The following EPM2AIP1 variants were observed in gnomAD, a reference collection of about 807,000 sequenced individuals.
EPM2AIP1 encodes the protein EPM2A interacting protein 1, also known as EPM2A-interacting protein 1.
A neutral mutation model predicts 44.8 loss-of-function variants in EPM2AIP1; 23 were observed. The ratio of observed to expected loss-of-function variants is 0.51; its 90% CI spans 0.37 to 0.73. The LOEUF (loss-of-function observed/expected upper bound fraction) is 0.73, where lower values mean the gene tolerates loss of function less well. Among genes scored for constraint, EPM2AIP1 ranks in the 30% least tolerant of loss-of-function variants. The pLI, the probability that EPM2AIP1 is intolerant of heterozygous loss-of-function variation, is 0.00. For synonymous variants in EPM2AIP1, 311 were observed against 284.3 expected (o/e 1.09, Z -0.94); for missense variants, 652 against 743.9 (o/e 0.88, Z 1.44).
At position 36,987,588 on chromosome 3, in the gene EPM2AIP1, A is replaced by G. The variant is rs1227816910; in HGVS notation, c.*3666T>C. ...GAGTTTACTACTTACTGTGTTTACC[A>G]GGGAAAACCGCAATTTGTTATCCTT... is the stretch of plus-strand genomic sequence containing the variant. On this transcript the variant is annotated 3_prime_UTR_variant, in exon 1 of 1. Transcript: ENST00000322716. 6.6e-6 allele frequency: 1 copy of G among 150,590 alleles called. No individual in the cohort carries two copies. Among genetic ancestry groups the G allele is most frequent in the Admixed American group, 6.7e-5 (1 of 14,980 alleles). The allele number at this position is 150,590 out of a possible 1,614,324, so 9.3% of individuals were successfully genotyped here.
chr3:36,988,112 G>A lies in EPM2AIP1; in HGVS notation c.*3142C>T, dbSNP rs1273600651. 1 of 152,192 alleles carries A rather than the reference G, an allele frequency of 6.6e-6. No individual in the cohort carries two copies. Among genetic ancestry groups the A allele is most frequent in the Non-Finnish European group, 1.5e-5 (1 of 68,038 alleles). 9.4% of individuals were successfully genotyped at this position (152,192 alleles called of 1,614,324 possible). On this transcript the variant is annotated 3_prime_UTR_variant, in exon 1 of 1. Transcript: ENST00000322716. ...TTTCCTAGATGAAGTGGCATACTGAGACCTTAAAGATGAAGATAAATTTGT... is the reference window on the plus strand; with the variant it reads ...TTTCCTAGATGAAGTGGCATACTGAAACCTTAAAGATGAAGATAAATTTGT...
In EPM2AIP1 at chr3:36,992,416, C is replaced by G; in HGVS notation, c.662G>C (p.Gly221Ala). The change falls in exon 1 of 1, where the codon GGT (glycine) becomes GCT (alanine). Residue 221 changes from glycine to alanine, a missense_variant. Gly to Ala is a moderately conservative substitution (Grantham distance 60, BLOSUM62 0). Transcript: ENST00000322716. The surrounding 1 kb of genome is among the most constrained non-coding windows in gnomAD (Gnocchi z 5.3). ...CTCTAGGATTGCCGACATGAGCGCA[C>G]CAACACTGAAATGATGAGTCAGGTT... ...IINLTHHFSV[G>A]ALMSAILESL... The G allele has an allele frequency of 6.2e-7, 1 of 1,613,952 alleles. No homozygotes were observed. Among genetic ancestry groups the G allele is most frequent in the Non-Finnish European group, 8.5e-7 (1 of 1,179,904 alleles).
In EPM2AIP1 at chr3:36,985,884, T is replaced by C. The variant is rs942195675; in HGVS notation, c.*5370A>G. ...ACAAGGCTATATTCCAGTAAAACTT[T>C]ATTTAGATAAATAAGGAGCTAGACA... On this transcript the variant is annotated 3_prime_UTR_variant, in exon 1 of 1. Transcript: ENST00000322716. The C allele has an allele frequency of 6.6e-6, 1 of 152,250 alleles. No homozygotes were observed. The highest frequency in any genetic ancestry group is 1.5e-5 in the Non-Finnish European group (1 of 68,050). The allele number at this position is 152,250 out of a possible 1,614,324, so 9.4% of individuals were successfully genotyped here.
Position 36,990,177 on chromosome 3 carries a change from T to C in EPM2AIP1, c.*1077A>G, listed in dbSNP as rs1208592798. On this transcript the variant is annotated 3_prime_UTR_variant, in exon 1 of 1. Coordinates refer to ENST00000322716, the MANE Select transcript of EPM2AIP1 (RefSeq NM_014805.4). ...TGCAATCTGTGAATAAGACTGCTTT[T>C]AAATATTTCTACTTGTGTGCTATCT... The C allele has an allele frequency of 5.2e-5, 8 of 153,270 alleles. No homozygotes were observed. The highest frequency in any genetic ancestry group is 1.7e-4 in the African/African-American group (7 of 41,478). The allele number at this position is 153,270 out of a possible 1,614,324, so 9.5% of individuals were successfully genotyped here.
Position 36,991,289 on chromosome 3 carries a change from C to G in EPM2AIP1, c.1789G>C (p.Asp597His). 6.2e-7 allele frequency: 1 copy of G among 1,613,098 alleles called. No homozygotes were observed. Among genetic ancestry groups the G allele is most frequent in the Non-Finnish European group, 8.5e-7 (1 of 1,179,232 alleles). Reference protein sequence around the residue: ...ATTEMEPGWDDLVRERNESNP With the variant: ...ATTEMEPGWDHLVRERNESNP ...GATTCATTTCTTTCTCTCACAAGGT[C>G]ATCCCAACCGGGCTCCATTTCAGTT... The change falls in exon 1 of 1, where the codon GAC (aspartate) becomes CAC (histidine). Residue 597 changes from aspartate (D) to histidine (H), a missense_variant. Asp to His is a moderately conservative substitution (Grantham distance 81). Transcript: ENST00000322716.
chr3:36,992,202 T>C lies in EPM2AIP1; in HGVS notation c.876A>G (p.Val292=), dbSNP rs746542345. The change falls in exon 1 of 1, where the codon GTA becomes GTG. Residue 292 remains valine, a synonymous_variant. Transcript: ENST00000322716. This position sits in a 1 kb window ranked among gnomAD's most constrained non-coding sequence, Gnocchi z 5.3. The part of the protein sequence containing the change: ...LHLELLSSYD[V]DVNQIINTIS... Reference sequence around the variant, plus strand: ...TGGTATTTATGATCTGATTAACATCTACATCATAGGAGCTCAACAGTTCCA... The same window carrying C: ...TGGTATTTATGATCTGATTAACATCCACATCATAGGAGCTCAACAGTTCCA... The C allele has an allele frequency of 2.5e-6, 4 of 1,613,982 alleles. No homozygotes were observed. The highest frequency in any genetic ancestry group is 4.5e-5 in the East Asian group (2 of 44,892).
rs777299639 is a variant in EPM2AIP1 at position 36,993,034 on chromosome 3, G to C, written c.44C>G (p.Ala15Gly). The C allele has an allele frequency of 1.2e-6, 2 of 1,611,602 alleles. No homozygotes were observed. The highest frequency in any genetic ancestry group is 1.7e-6 in the Non-Finnish European group (2 of 1,178,848). The change falls in exon 1 of 1, where the codon GCT becomes GGT. Residue 15 changes from alanine to glycine, a missense_variant. Physicochemically the swap from Ala to Gly is moderately conservative, Grantham distance 60. Transcript: ENST00000322716. ...PKRSKMEVDE[A>G]LVFRPEWTQR... is the part of the protein sequence containing the mutation. ...GGTCCACTCGGGCCGGAAAACTAGA[G>C]CCTCGTCGACTTCCATCTTGCTTCT...
rs546128727 is a variant in EPM2AIP1 at position 36,991,919 on chromosome 3, T to C, written c.1159A>G (p.Ile387Val). The change falls in exon 1 of 1, where the codon ATT becomes GTT. Residue 387 changes from isoleucine (I) to valine (V), a missense_variant. By Grantham distance (29) the Ile-to-Val change is conservative. Transcript: ENST00000322716. ...WLCDFGFLVD[I>V]MEHLRELSEE... ...CTGAGTTCTCGAAGGTGTTCCATAA[T>C]GTCCACCAAGAAGCCAAAGTCACAA... 10 of 1,614,010 alleles carry C rather than the reference T, an allele frequency of 6.2e-6. 1 individual carries two copies. In the Middle Eastern group the frequency reaches 1.2e-3, roughly 186 times the overall value.
In EPM2AIP1 at chr3:36,993,071, T is replaced by A; in HGVS notation, c.7A>T (p.Met3Leu). The change falls in exon 1 of 1, where the codon ATG becomes TTG. Residue 3 changes from methionine (M) to leucine (L), a missense_variant. Met to Leu is a conservative substitution (Grantham distance 15, BLOSUM62 2). Transcript: ENST00000322716. MW[M>L]TPKRSKMEVD... ...TCCATCTTGCTTCTTTTGGGCGTCA[T>A]CCACATTCTGCGGGAGGCCACAAGA... The A allele has an allele frequency of 3.1e-6, 5 of 1,602,636 alleles. No individual in the cohort carries two copies. Among genetic ancestry groups the A allele is most frequent in the Non-Finnish European group, 4.3e-6 (5 of 1,172,780 alleles).
chr3:36,991,183 G>C lies in EPM2AIP1; in HGVS notation c.*71C>G. The C allele has an allele frequency of 6.7e-7, 1 of 1,496,488 alleles. No individual in the cohort carries two copies. The highest frequency in any genetic ancestry group is 1.4e-5 in the South Asian group (1 of 69,104). The allele number at this position is 1,496,488 out of a possible 1,614,324, so 92.7% of individuals were successfully genotyped here. On this transcript the variant is annotated 3_prime_UTR_variant, in exon 1 of 1. Transcript: ENST00000322716. ...TCTCACAATCCAAATTAGTAAACTT[G>C]AAAACTCAAACCAATTTTTGCTTTT...
chr3:36,989,854 G>T lies in EPM2AIP1; in HGVS notation c.*1400C>A, dbSNP rs926443278. ...ACAACTTTGGTTTTTAAGCTCTTAT[G>T]CCATTTATTTTAATTGCCCAGACAT... On this transcript the variant is annotated 3_prime_UTR_variant, in exon 1 of 1. Transcript: ENST00000322716. 6.6e-6 allele frequency: 1 copy of T among 152,110 alleles called. No homozygotes were observed. The allele number at this position is 152,110 out of a possible 1,614,324, so 9.4% of individuals were successfully genotyped here. A position where few individuals can be genotyped will look rare whatever the true frequency, so the allele number is the denominator to read the frequency against.
chr3:36,991,655 A>T lies in EPM2AIP1; in HGVS notation c.1423T>A (p.Phe475Ile). ...TTTTTAATGAACCTGAGGTCCTTAA[A>T]ATGTCTCTCAAATTCTTTTTGGAGA... ...CRLQKEFERH[F>I]KDLRFIKKDL... Residue 475 changes from phenylalanine to isoleucine, a missense_variant, in exon 1 of 1, where the codon TTT (phenylalanine) becomes ATT (isoleucine). By Grantham distance (21) the Phe-to-Ile change is conservative. Coordinates refer to ENST00000322716, the MANE Select transcript of EPM2AIP1 (RefSeq NM_014805.4). 6.2e-7 allele frequency: 1 copy of T among 1,612,810 alleles called. No homozygotes were observed. The highest frequency in any genetic ancestry group is 8.5e-7 in the Non-Finnish European group (1 of 1,179,570).
At position 36,992,945 on chromosome 3, in the gene EPM2AIP1, G is replaced by A. The variant is rs1422553554; in HGVS notation, c.133C>T (p.Leu45Phe). The A allele has an allele frequency of 1.2e-6, 2 of 1,612,948 alleles. No homozygotes were observed. Among genetic ancestry groups the A allele is most frequent in the South Asian group, 1.1e-5 (1 of 91,088 alleles). The part of the protein sequence containing the change: ...DGALCLVCRR[L>F]IVATRERDVR... Reference sequence around the variant, plus strand: ...TCGCGTTCGCGGGTAGCTACGATGAGGCGGCGACAGACCAGGCACAGGGCC... The same window carrying A: ...TCGCGTTCGCGGGTAGCTACGATGAAGCGGCGACAGACCAGGCACAGGGCC... The change falls in exon 1 of 1, where the codon CTC (leucine) becomes TTC (phenylalanine). Residue 45 changes from leucine to phenylalanine, a missense_variant. Transcript: ENST00000322716. The surrounding 1 kb of genome is among the most constrained non-coding windows in gnomAD (Gnocchi z 5.3).
chr3:36,991,880 C>A lies in EPM2AIP1; in HGVS notation c.1198G>T (p.Val400Phe). Residue 400 changes from valine (V) to phenylalanine (F), a missense_variant, in exon 1 of 1, where the codon GTT becomes TTT. By Grantham distance (50) the Val-to-Phe change is conservative. Transcript: ENST00000322716. ...GCAGCAGCAGCAAAGACTTTACTAA[C>A]TCGTAATTCTTCACTGAGTTCTCGA... ...HLRELSEELR[V>F]SKVFAAAAFD... 6.2e-7 allele frequency: 1 copy of A among 1,613,976 alleles called. No homozygotes were observed. The highest frequency in any genetic ancestry group is 8.5e-7 in the Non-Finnish European group (1 of 1,179,888).
chr3:36,992,424 G>A lies in EPM2AIP1; in HGVS notation c.654C>T (p.Phe218=). ...LLTIINLTHH[F]SVGALMSAIL... is the part of the protein sequence containing the mutation. ...TTGCCGACATGAGCGCACCAACACT[G>A]AAATGATGAGTCAGGTTGATTATGG... The change falls in exon 1 of 1, where the codon TTC becomes TTT. Residue 218 remains phenylalanine (F), a synonymous_variant. Transcript: ENST00000322716. The surrounding 1 kb of genome is among the most constrained non-coding windows in gnomAD (Gnocchi z 5.3). 1 of 1,613,964 alleles carries A rather than the reference G, an allele frequency of 6.2e-7. No homozygotes were observed. The highest frequency in any genetic ancestry group is 8.5e-7 in the Non-Finnish European group (1 of 1,179,896).
chr3:36,992,660 G>A lies in EPM2AIP1; in HGVS notation c.418C>T (p.Leu140=), dbSNP rs758804690. 3 of 1,614,010 alleles carry A rather than the reference G, an allele frequency of 1.9e-6. No individual in the cohort carries two copies. The highest frequency in any genetic ancestry group is 1.7e-5 in the Admixed American group (1 of 60,026). The part of the protein sequence containing the change: ...REVLPEHVSV[L]QGVDLSPDIT... ...TCTGGAGATAAGTCAACGCCTTGCA[G>A]GACGCTTACATGCTCGGGCAGTACC... is the stretch of plus-strand genomic sequence containing the variant. The change falls in exon 1 of 1, where the codon CTG becomes TTG. Residue 140 remains leucine, a synonymous_variant. Transcript: ENST00000322716. This position sits in a 1 kb window ranked among gnomAD's most constrained non-coding sequence, Gnocchi z 5.3.
chr3:36,990,548 A>C lies in EPM2AIP1; in HGVS notation c.*706T>G. The C allele has an allele frequency of 1.0e-6, 1 of 985,770 alleles. No individual in the cohort carries two copies. Among genetic ancestry groups the C allele is most frequent in the Non-Finnish European group, 1.2e-6 (1 of 829,876 alleles). 61.1% of individuals were successfully genotyped at this position (985,770 alleles called of 1,614,324 possible). A position where few individuals can be genotyped will look rare whatever the true frequency, so the allele number is the denominator to read the frequency against. On this transcript the variant is annotated 3_prime_UTR_variant, in exon 1 of 1. Transcript: ENST00000322716. ...TAAAATAGCCCCCAGTTATTAAAAAAAAAATCCAAGGAAAACCCCCAATAA... is the reference window on the plus strand; with the variant it reads ...TAAAATAGCCCCCAGTTATTAAAAACAAAATCCAAGGAAAACCCCCAATAA...
rs1468415184 is a variant in EPM2AIP1, at chr3:36,988,661, T to A, written c.*2593A>T. The stretch of plus-strand genomic sequence containing the variant: ...AAGACTAAGAAAGCACACCTGGAGA[T>A]GGTATCTCCTCAAAGCTAAAGTCAT... On this transcript the variant is annotated 3_prime_UTR_variant, in exon 1 of 1. Transcript: ENST00000322716. 1 of 152,140 alleles carries A rather than the reference T, an allele frequency of 6.6e-6. No individual in the cohort carries two copies. The highest frequency in any genetic ancestry group is 1.5e-5 in the Non-Finnish European group (1 of 68,030). The allele number at this position is 152,140 out of a possible 1,614,324, so 9.4% of individuals were successfully genotyped here.
chr3:36,991,459 A>G lies in EPM2AIP1; in HGVS notation c.1619T>C (p.Ile540Thr). ...AGLSAESYPI[I>T]KGVACKVASL... ...TGCCACCTTACAGGCAACCCCTTTG[A>G]TAATTGGGTAGGATTCAGCAGACAA... The change falls in exon 1 of 1, where the codon ATC becomes ACC. Residue 540 changes from isoleucine to threonine, a missense_variant. By Grantham distance (89) the Ile-to-Thr change is moderately conservative. Coordinates refer to ENST00000322716, the MANE Select transcript of EPM2AIP1 (RefSeq NM_014805.4). 6.2e-7 allele frequency: 1 copy of G among 1,613,974 alleles called. No homozygotes were observed. The highest frequency in any genetic ancestry group is 8.5e-7 in the Non-Finnish European group (1 of 1,179,864).
Sources: allele counts gnomAD v4.1 joint callset, GRCh38; gene constraint gnomAD v4.1.1; non-coding constraint Gnocchi (gnomAD v3.1); transcripts MANE v1.5; gene names NCBI Gene and HGNC (gene_info 2026-07-23, HGNC 2026-07-21).